The following AGPAT4 variants were observed in gnomAD, a reference collection of about 807,000 sequenced individuals.
The protein encoded by AGPAT4 is 1-acyl-sn-glycerol-3-phosphate acyltransferase delta.
A neutral mutation model predicts 48.0 loss-of-function variants in AGPAT4; 15 were observed. The observed-to-expected ratio is 0.31, with a 90% CI of 0.21 to 0.48. The LOEUF (loss-of-function observed/expected upper bound fraction) is 0.48, where lower values mean the gene tolerates loss of function less well. AGPAT4 is among the 20% of genes least tolerant of loss of function. The probability of loss-of-function intolerance (pLI) is 0.99; values close to 1 mark genes in which losing one functional copy is unlikely to be tolerated. For missense variants in AGPAT4, 314 were observed against 482.5 expected (o/e 0.65, Z 3.27); for synonymous variants, 178 against 198.7 (o/e 0.90, Z 0.88).
chr6:161,257,652 G>T (rs1782978304), intron 1 of AGPAT4, among the ~76,000 whole-genome samples: 2 of 152,020 alleles, frequency 1.3e-5, no homozygotes, highest in South Asian at 4.2e-4. Flanking sequence ...TCAAAAAAAT[G>T]ATCAAAGGGT....
rs1051612192 is a variant in AGPAT4, at chr6:161,149,989, G to A, written c.665-700C>T. On this transcript the variant is annotated intron_variant, in intron 5 of 8. Coordinates refer to ENST00000320285, the MANE Select transcript of AGPAT4 (RefSeq NM_020133.3). This position sits in a 1 kb window ranked among gnomAD's most constrained non-coding sequence, Gnocchi z 6.5. ...GGATGATAAGAAAAATTATTCCAAA[G>A]GAAAGTAAGGATGTGTCTCAGTTAC... Among the ~76,000 whole-genome samples the A allele has an allele frequency of 6.6e-6, 1 of 152,164 alleles. No individual in the cohort carries two copies. Among genetic ancestry groups the A allele is most frequent in the African/African-American group, 2.4e-5 (1 of 41,428 alleles).
In AGPAT4 at chr6:161,139,998, G is replaced by T. The variant is rs1779200077; in HGVS notation, c.844-378C>A. ...CAGCAGTGCCTTCCACGATAGGTCG[G>T]CGGGAGAATGGAGTGGATGCTGCGC... is the stretch of plus-strand genomic sequence containing the variant. On this transcript the variant is annotated intron_variant, in intron 7 of 8. Transcript: ENST00000320285. The surrounding 1 kb of genome is among the most constrained non-coding windows in gnomAD (Gnocchi z 9.1). Among the ~76,000 whole-genome samples, 1 of 152,238 alleles carries T rather than the reference G, an allele frequency of 6.6e-6. No homozygotes were observed. The highest frequency in any genetic ancestry group is 2.1e-4 in the South Asian group (1 of 4,836).
intron 3 of AGPAT4, chr6:161,160,748 C>A (rs1471746146): frequency 8.7e-6 from 3 of 346,506 alleles, no homozygotes; most frequent in Admixed American, 7.6e-5. Flanking sequence ...CCCTTGTCCA[C>A]CCTGCCTGGA....
chr6:161,138,460 G>A lies in AGPAT4; in HGVS notation c.1042+962C>T, dbSNP rs1036141323. Reference sequence around the variant, plus strand: ...CGAGCTGAAGAAACTCCACTGATACGGGTTTATAGATGCACATATGCTTGA... The same window carrying A: ...CGAGCTGAAGAAACTCCACTGATACAGGTTTATAGATGCACATATGCTTGA... On this transcript the variant is annotated intron_variant, in intron 8 of 8. Coordinates refer to ENST00000320285, the MANE Select transcript of AGPAT4 (RefSeq NM_020133.3). The surrounding 1 kb of genome is among the most constrained non-coding windows in gnomAD (Gnocchi z 4.8). Among the ~76,000 whole-genome samples, 3 of 152,098 alleles carry A rather than the reference G, an allele frequency of 2.0e-5. No homozygotes were observed. Among genetic ancestry groups the A allele is most frequent in the Non-Finnish European group, 2.9e-5 (2 of 68,018 alleles).
chr6:161,239,833 A>G (rs1782430921), intron 1 of AGPAT4, among the ~76,000 whole-genome samples: 1 of 152,204 alleles, frequency 6.6e-6, no homozygotes, highest in South Asian at 2.1e-4. Context: ...CCATCTTTTT[A>G]GTAAGCAATT....
In AGPAT4 at chr6:161,143,235, G is replaced by T. The variant is rs1219521614; in HGVS notation, c.843+3289C>A. Among the ~76,000 whole-genome samples, 1 of 152,158 alleles carries T rather than the reference G, an allele frequency of 6.6e-6. No individual in the cohort carries two copies. The highest frequency in any genetic ancestry group is 1.5e-5 in the Non-Finnish European group (1 of 68,038). ...CTACAGGTGTGTACCGCTAGGTGCA[G>T]CTAGTTTGTAAAATTTTTTTGTAGA... On this transcript the variant is annotated intron_variant, in intron 7 of 8. Coordinates refer to ENST00000320285, the MANE Select transcript of AGPAT4 (RefSeq NM_020133.3). The surrounding 1 kb of genome is among the most constrained non-coding windows in gnomAD (Gnocchi z 4.7).
chr6:161,149,520 G>T lies in AGPAT4; in HGVS notation c.665-231C>A, dbSNP rs1316395495. Among the ~76,000 whole-genome samples the T allele has an allele frequency of 3.9e-5, 6 of 152,080 alleles. No homozygotes were observed. The highest frequency in any genetic ancestry group is 8.8e-5 in the Non-Finnish European group (6 of 68,006). ...AGTAATAGAAAACAGGGTCATTGCT[G>T]AAGTCAGATCATTTTTTTCTTTTCT... On this transcript the variant is annotated intron_variant, in intron 5 of 8. Coordinates refer to ENST00000320285, the MANE Select transcript of AGPAT4 (RefSeq NM_020133.3). This position sits in a 1 kb window ranked among gnomAD's most constrained non-coding sequence, Gnocchi z 6.5.
chr6:161,214,622 A>G lies in AGPAT4; in HGVS notation c.178+17414T>C, dbSNP rs1370078096. ...CTCTACTAAAAGATACAAAAAAATT[A>G]GCTGGGCATGGTGGCACACACCTGT... On this transcript the variant is annotated intron_variant, in intron 2 of 8. Transcript: ENST00000320285. The surrounding 1 kb of genome is among the most constrained non-coding windows in gnomAD (Gnocchi z 5.4). Among the ~76,000 whole-genome samples, 3 of 152,154 alleles carry G rather than the reference A, an allele frequency of 2.0e-5. No homozygotes were observed. Among genetic ancestry groups the G allele is most frequent in the Non-Finnish European group, 2.9e-5 (2 of 68,014 alleles).
At position 161,223,768 on chromosome 6, in the gene AGPAT4, C is replaced by G. The variant is rs1295068322; in HGVS notation, c.178+8268G>C. Reference sequence around the variant, plus strand: ...TTGGCTCCTCAAATGCAGGGCAGGGCTGGGTTGTGCCAAAGTGAAAGGCTC... The same window carrying G: ...TTGGCTCCTCAAATGCAGGGCAGGGGTGGGTTGTGCCAAAGTGAAAGGCTC... On this transcript the variant is annotated intron_variant, in intron 2 of 8. Transcript: ENST00000320285. The surrounding 1 kb of genome is among the most constrained non-coding windows in gnomAD (Gnocchi z 6.3). Among the ~76,000 whole-genome samples the G allele has an allele frequency of 1.3e-5, 2 of 152,146 alleles. 1 individual carries two copies. Among genetic ancestry groups the G allele is most frequent in the East Asian group, 3.9e-4 (2 of 5,184 alleles).
At chr6:161,153,317 G>A in intron 5 of AGPAT4, 29 bp downstream of exon 5, 1 of 1,586,916 alleles carries the variant, frequency 6.3e-7, no homozygotes, top group Non-Finnish European at 8.6e-7. Flanking sequence ...CTGCCACGGG[G>A]AGGCCCAGGG....
rs1018393278 is a variant in AGPAT4, at chr6:161,155,164, C to A, written c.349-854G>T. Among the ~76,000 whole-genome samples the A allele has an allele frequency of 6.6e-6, 1 of 152,204 alleles. No homozygotes were observed. The highest frequency in any genetic ancestry group is 1.5e-5 in the Non-Finnish European group (1 of 68,030). On this transcript the variant is annotated intron_variant, in intron 3 of 8. Transcript: ENST00000320285. The surrounding 1 kb of genome is among the most constrained non-coding windows in gnomAD (Gnocchi z 5.8). The stretch of plus-strand genomic sequence containing the variant: ...AGGGCAGTCCTGGGTCCCCAGGGCT[C>A]GGTGTGGCCCTCCCCAGCCAGGCGT...
intron 1 of AGPAT4, among the ~76,000 whole-genome samples, chr6:161,265,923 G>A (rs1319106831): frequency 6.6e-6 from 1 of 152,158 alleles, no homozygotes; most frequent in Non-Finnish European, 1.5e-5. Flanking sequence ...CCCATGTAAA[G>A]TATTTCTTCA....
intron 1 of AGPAT4, among the ~76,000 whole-genome samples, chr6:161,250,733 A>G (rs1051633899): frequency 3.9e-5 from 6 of 152,172 alleles, no homozygotes; most frequent in African/African-American, 1.4e-4. Context: ...AGCTGTTTAT[A>G]TTCTTACTAG....
In AGPAT4 at chr6:161,251,793, AC is replaced by A. The variant is rs748681647; in HGVS notation, c.-89-19492del. ...AAGGGCATTGATAGTTTACAAATCTACCTATAGGGCAGTTTCTGCAGGAGGA... is the reference window on the plus strand; with the variant it reads ...AAGGGCATTGATAGTTTACAAATCTACTATAGGGCAGTTTCTGCAGGAGGA... On this transcript the variant is annotated intron_variant, in intron 1 of 8. Transcript: ENST00000320285. The surrounding 1 kb of genome is among the most constrained non-coding windows in gnomAD (Gnocchi z 4.6). Among the ~76,000 whole-genome samples, 10 of 152,178 alleles carry A rather than the reference AC, an allele frequency of 6.6e-5. No homozygotes were observed. Among genetic ancestry groups the A allele is most frequent in the Non-Finnish European group, 1.3e-4 (9 of 68,028 alleles).
chr6:161,190,587 GAAAAA>G (rs11339502), intron 2 of AGPAT4, among the ~76,000 whole-genome samples: 1 of 131,332 alleles, frequency 7.6e-6, no homozygotes. Context: ...GAAACCAAGG[GAAAAA>G]AAAAAAAAAA....
Position 161,158,688 on chromosome 6 carries a change from T to C in AGPAT4, c.349-4378A>G, listed in dbSNP as rs191923494. Among the ~76,000 whole-genome samples, 538 of 152,328 alleles carry C rather than the reference T, an allele frequency of 3.5e-3. 11 individuals carry two copies. The highest frequency in any genetic ancestry group is 0.023 in the South Asian group (112 of 4,830). On this transcript the variant is annotated intron_variant, in intron 3 of 8. Coordinates refer to ENST00000320285, the MANE Select transcript of AGPAT4 (RefSeq NM_020133.3). The surrounding 1 kb of genome is among the most constrained non-coding windows in gnomAD (Gnocchi z 5.3). ...AGAGAGGGCCTGAGACCCAGTACTC[T>C]GACCCTGACCTTCAGAAGCTCTACA... is the stretch of plus-strand genomic sequence containing the variant.
In AGPAT4 at chr6:161,202,378, G is replaced by T. The variant is rs1781260487; in HGVS notation, c.178+29658C>A. ...AATGTCTTCATGCTTGAATGTCATG[G>T]TAGTTGGCTTCCTCTGGATGACAGA... On this transcript the variant is annotated intron_variant, in intron 2 of 8. Coordinates refer to ENST00000320285, the MANE Select transcript of AGPAT4 (RefSeq NM_020133.3). The surrounding 1 kb of genome is among the most constrained non-coding windows in gnomAD (Gnocchi z 5.4). Among the ~76,000 whole-genome samples, 1 of 152,000 alleles carries T rather than the reference G, an allele frequency of 6.6e-6. No individual in the cohort carries two copies. Among genetic ancestry groups the T allele is most frequent in the Admixed American group, 6.5e-5 (1 of 15,276 alleles).
intron 1 of AGPAT4, among the ~76,000 whole-genome samples, chr6:161,257,353 C>T (rs1481509492): frequency 6.6e-6 from 1 of 152,140 alleles, no homozygotes; most frequent in African/African-American, 2.4e-5. Flanking sequence ...TTATCCCACT[C>T]ATAGGCAATA....
chr6:161,166,382 C>G lies in AGPAT4; in HGVS notation c.214G>C (p.Glu72Gln). ...CGCGGGTCCGTGAAGATGGTGCATT[C>G]CGTGCCCGACCACCACTCCAGCAGC... ...VMLLEWWSGTECTIFTDPRAY... is the reference protein window; with the variant it reads ...VMLLEWWSGTQCTIFTDPRAY... Residue 72 changes from glutamate (E) to glutamine (Q), a missense_variant, in exon 3 of 9, where the codon GAA (glutamate) becomes CAA (glutamine). Transcript: ENST00000320285. The surrounding 1 kb of genome is among the most constrained non-coding windows in gnomAD (Gnocchi z 6.7). 1 of 1,612,456 alleles carries G rather than the reference C, an allele frequency of 6.2e-7. No individual in the cohort carries two copies.
Sources: allele counts gnomAD v4.1 joint callset (sites outside exome capture counted in the v4.1 genomes callset), GRCh38; gene constraint gnomAD v4.1.1; non-coding constraint Gnocchi (gnomAD v3.1); transcripts MANE v1.5; gene names NCBI Gene and HGNC (gene_info 2026-07-23, HGNC 2026-07-21).